MED12L: variants seen among roughly 807,000 people sequenced by gnomAD.
MED12L encodes the protein mediator of RNA polymerase II transcription subunit 12-like protein.
MED12L carries 60 observed loss-of-function variants against 281.3 expected under a neutral mutation model. The ratio of observed to expected loss-of-function variants is 0.21; its 90% CI spans 0.17 to 0.26. The LOEUF is 0.26. MED12L is among the 10% of genes least tolerant of loss of function. The probability of loss-of-function intolerance (pLI) is 1.00; values close to 1 mark genes in which losing one functional copy is unlikely to be tolerated. For missense variants in MED12L, 2,146 were observed against 2,680.9 expected (o/e 0.80, Z 4.41); for synonymous variants, 974 against 987.2 (o/e 0.99, Z 0.25).
chr3:151,186,976 A>T (rs948052212), intron 12 of MED12L, among the ~76,000 whole-genome samples: 20 of 152,180 alleles, frequency 1.3e-4, no homozygotes, highest in Admixed American at 5.9e-4. Context: ...TGTGTTGCTG[A>T]TATTACACCT....
intron 38 of MED12L, among the ~76,000 whole-genome samples, chr3:151,391,929 C>T (rs995190848): frequency 6.6e-6 from 1 of 152,146 alleles, no homozygotes; most frequent in Non-Finnish European, 1.5e-5. Context: ...ATGCAATCAT[C>T]ATCCTTTTAA....
intron 16 of MED12L, among the ~76,000 whole-genome samples, chr3:151,283,569 A>G (rs147620261): frequency 3.7e-4 from 57 of 152,230 alleles, no homozygotes; most frequent in African/African-American, 1.1e-3. Flanking sequence ...CTAATACCTC[A>G]GTGTTGTCAT....
chr3:151,378,760 G>T (rs1711672990), intron 31 of MED12L, among the ~76,000 whole-genome samples: 1 of 151,912 alleles, frequency 6.6e-6, no homozygotes, highest in Non-Finnish European at 1.5e-5. Context: ...AGAAACCTAG[G>T]AGTAAAGGAA....
chr3:151,292,334 T>C (rs2149677789), intron 16 of MED12L, among the ~76,000 whole-genome samples: 1 of 151,376 alleles, frequency 6.6e-6, no homozygotes, highest in South Asian at 2.1e-4. Context: ...TTGTCCAGGC[T>C]GGAGTGCAGT....
chr3:151,092,288 G>A lies in MED12L; in HGVS notation c.99+5263G>A, dbSNP rs991302932. Among the ~76,000 whole-genome samples the A allele has an allele frequency of 1.4e-4, 21 of 152,294 alleles. 1 individual carries two copies. Among genetic ancestry groups the A allele is most frequent in the African/African-American group, 5.1e-4 (21 of 41,558 alleles). ...CTCATCCTTGCCAGTTCATTTCCCT[G>A]AGTTAATATGTTTTGTAGCGCTTGT... On this transcript the variant is annotated intron_variant, in intron 2 of 44. Transcript: ENST00000687756.
intron 5 of MED12L, among the ~76,000 whole-genome samples, chr3:151,141,620 T>C (rs903104774): frequency 2.0e-5 from 3 of 152,222 alleles, no homozygotes; most frequent in South Asian, 2.1e-4. Flanking sequence ...TAGTAAAATA[T>C]GAGCTATGCC....
chr3:151,269,913 C>T (rs1342864504), intron 16 of MED12L: 3 of 454,210 alleles, frequency 6.6e-6, no homozygotes, highest in Non-Finnish European at 1.3e-5. Flanking sequence ...CGTTCTGATG[C>T]AGGTGTTGTT....
intron 2 of MED12L, among the ~76,000 whole-genome samples, chr3:151,089,447 G>A (rs1719724739): frequency 6.6e-6 from 1 of 151,190 alleles, no homozygotes; most frequent in Admixed American, 6.6e-5. Context: ...CAATTGTGTG[G>A]CCTTGGGCAA....
intron 35 of MED12L, among the ~76,000 whole-genome samples, chr3:151,384,495 AT>A (rs1448562642): frequency 6.6e-6 from 1 of 152,246 alleles, no homozygotes; most frequent in Non-Finnish European, 1.5e-5. Context: ...GAATACTAAC[AT>A]TAGATAGATT....
chr3:151,143,863 C>G (rs57900694), intron 5 of MED12L, among the ~76,000 whole-genome samples: 2,834 of 152,200 alleles, frequency 0.019, 102 homozygotes, highest in African/African-American at 0.064. Context: ...GGGGATATGT[C>G]CTAAGTGGTT....
chr3:151,115,680 A>G (rs376156304), intron 2 of MED12L, among the ~76,000 whole-genome samples: 1 of 151,968 alleles, frequency 6.6e-6, no homozygotes, highest in African/African-American at 2.4e-5. Context: ...CTATCATTTT[A>G]TATTTCGGTG....
At chr3:151,391,442 C>A (rs538449370) in intron 38 of MED12L, among the ~76,000 whole-genome samples, 2 of 152,016 alleles carry the variant, frequency 1.3e-5, no homozygotes, top group South Asian at 4.1e-4. Context: ...AGACCCATAC[C>A]CCTTCCCTGT....
At chr3:151,239,803 C>T (rs1379146580) in intron 16 of MED12L, among the ~76,000 whole-genome samples, 2 of 152,086 alleles carry the variant, frequency 1.3e-5, no homozygotes, top group South Asian at 2.1e-4. Flanking sequence ...CACTCCAGCT[C>T]TTAAGCTATT....
At chr3:151,131,774 T>G (rs2148820136) in intron 5 of MED12L, among the ~76,000 whole-genome samples, 1 of 152,334 alleles carries the variant, frequency 6.6e-6, no homozygotes. Context: ...CAGTTTCTAC[T>G]TAAGAACGTT....
chr3:151,420,838 G>C (rs899463517), intron 43 of MED12L, among the ~76,000 whole-genome samples: 11 of 152,234 alleles, frequency 7.2e-5, no homozygotes, highest in African/African-American at 2.7e-4. Flanking sequence ...CATTCTGTGA[G>C]TCCACGGATG....
intron 23 of MED12L, among the ~76,000 whole-genome samples, chr3:151,366,432 A>G (rs1263530730): frequency 1.3e-5 from 2 of 152,230 alleles, no homozygotes; most frequent in South Asian, 4.1e-4. Context: ...GTTGGGTTAC[A>G]TAAGAATGTC....
intron 16 of MED12L, among the ~76,000 whole-genome samples, chr3:151,297,723 C>G (rs1745295499): frequency 6.6e-6 from 1 of 151,956 alleles, no homozygotes; most frequent in South Asian, 2.1e-4. Flanking sequence ...TTCCATATAT[C>G]ATTATAATAT....
intron 16 of MED12L, among the ~76,000 whole-genome samples, chr3:151,224,579 G>C (rs1056079373): frequency 6.6e-6 from 1 of 151,746 alleles, no homozygotes; most frequent in Non-Finnish European, 1.5e-5. Context: ...TCTGTGTTCT[G>C]CATTCCTGTG....
rs552453723 is a variant in MED12L, at chr3:151,421,266, T to C, written c.6408+4844T>C. Among the ~76,000 whole-genome samples, 9 of 152,294 alleles carry C rather than the reference T, an allele frequency of 5.9e-5. No individual in the cohort carries two copies. The South Asian group carries it at 1.5e-3, about 25-fold the overall frequency. ...AATCTTCCTCTGCTGAGGTCACCCA[T>C]TGGCGAGCACTCACATGGAATACAA... On this transcript the variant is annotated intron_variant, in intron 43 of 44. Coordinates refer to ENST00000687756, the MANE Select transcript of MED12L (RefSeq NM_001393769.1).
Sources: allele counts gnomAD v4.1 joint callset (sites outside exome capture counted in the v4.1 genomes callset), GRCh38; gene constraint gnomAD v4.1.1; transcripts MANE v1.5; gene names NCBI Gene and HGNC (gene_info 2026-07-23, HGNC 2026-07-21).